STK3: variants seen among roughly 807,000 people sequenced by gnomAD.
STK3 encodes the protein serine/threonine-protein kinase 3.
STK3 carries 41 observed loss-of-function variants against 58.0 expected under a neutral mutation model. That is an observed-to-expected ratio of 0.71 (90% CI 0.55 to 0.92). The LOEUF is 0.92. Ranked by LOEUF, STK3 falls within the 40% of genes least tolerant of loss-of-function variation. The pLI is 0.00. For synonymous variants in STK3, 170 were observed against 191.0 expected, an observed-to-expected ratio of 0.89 and a Z score of 0.91; for missense variants, 479 against 602.7, an observed-to-expected ratio of 0.79 and a Z score of 2.15.
Position 98,669,832 on chromosome 8 carries a change from C to T in STK3, c.684+36635G>A, listed in dbSNP as rs143890447. 6.8e-3 allele frequency among the ~76,000 whole-genome samples: 1,034 copies of T among 152,194 alleles called. 8 individuals carry two copies. Among genetic ancestry groups the T allele is most frequent in the African/African-American group, 0.023 (970 of 41,520 alleles). ...CTGTTCTATGTATGGCCTAGCCCTTCGAAGATACCCAAACACAGGAAAGAT... is the reference window on the plus strand; with the variant it reads ...CTGTTCTATGTATGGCCTAGCCCTTTGAAGATACCCAAACACAGGAAAGAT... On this transcript the variant is annotated intron_variant, in intron 6 of 10. Coordinates refer to ENST00000419617, the MANE Select transcript of STK3 (RefSeq NM_006281.4).
chr8:98,761,621 G>A (rs1290133535), intron 3 of STK3, among the ~76,000 whole-genome samples: 1 of 152,096 alleles, frequency 6.6e-6, no homozygotes, highest in East Asian at 1.9e-4. Flanking sequence ...AACTTAGTAT[G>A]GTAATACAGT....
At chr8:98,886,882 G>A (rs964609974) in intron 1 of STK3, among the ~76,000 whole-genome samples, 42 of 152,124 alleles carry the variant, frequency 2.8e-4, no homozygotes, top group Admixed American at 2.8e-3. Context: ...TGGATTACCT[G>A]AGGTCAGCAG....
intron 6 of STK3, among the ~76,000 whole-genome samples, chr8:98,663,291 C>A (rs1822100531): frequency 6.6e-6 from 1 of 152,166 alleles, no homozygotes; most frequent in African/African-American, 2.4e-5. Context: ...CACTGGCCAT[C>A]AGAGAAATGC....
intron 10 of STK3, among the ~76,000 whole-genome samples, chr8:98,487,486 T>TGA: frequency 6.6e-6 from 1 of 152,322 alleles, no homozygotes; most frequent in African/African-American, 2.4e-5. Flanking sequence ...TTTGAATTGA[T>TGA]ATCTCCAGTC....
intron 9 of STK3, among the ~76,000 whole-genome samples, chr8:98,546,979 G>A (rs1286551642): frequency 2.0e-5 from 3 of 152,120 alleles, no homozygotes; most frequent in South Asian, 4.1e-4. Context: ...ACCTCATGGC[G>A]GAGTAGCAAA....
intron 3 of STK3, among the ~76,000 whole-genome samples, chr8:98,843,994 T>A (rs1011186553): frequency 6.6e-6 from 1 of 152,132 alleles, no homozygotes; most frequent in African/African-American, 2.4e-5. Context: ...ACTGCGTCTC[T>A]TAGAAAAATG....
chr8:98,479,728 A>G (rs903447802), intron 10 of STK3, among the ~76,000 whole-genome samples: 1 of 152,158 alleles, frequency 6.6e-6, no homozygotes, highest in Non-Finnish European at 1.5e-5. Flanking sequence ...AATCTGGAAA[A>G]TGCAATCCAC....
intron 1 of STK3, among the ~76,000 whole-genome samples, chr8:98,777,466 C>T (rs559285210): frequency 2.0e-4 from 31 of 152,192 alleles, no homozygotes; most frequent in African/African-American, 5.8e-4. Context: ...GCCGAGATCA[C>T]GCCACTGCAC....
At chr8:98,452,139 T>C (rs185246303), downstream of STK3, among the ~76,000 whole-genome samples, 1 of 152,322 alleles carries the variant, frequency 6.6e-6, no homozygotes, top group East Asian at 1.9e-4. Context: ...AAAGATTTCC[T>C]GTGACTAAGT....
chr8:98,396,443 C>T (rs542758371), downstream of STK3, among the ~76,000 whole-genome samples: 2 of 152,320 alleles, frequency 1.3e-5, no homozygotes, highest in African/African-American at 4.8e-5. Flanking sequence ...TTGTTGGCAT[C>T]TGGACTCATG....
intron 1 of STK3, among the ~76,000 whole-genome samples, chr8:98,798,654 A>G (rs1229237376): frequency 6.6e-6 from 1 of 152,212 alleles, no homozygotes; most frequent in East Asian, 1.9e-4. Flanking sequence ...TCCTATTGCT[A>G]TGTTTTGGAT....
At chr8:98,862,112 G>A (rs914754236) in intron 3 of STK3, among the ~76,000 whole-genome samples, 3 of 152,156 alleles carry the variant, frequency 2.0e-5, no homozygotes, top group Non-Finnish European at 2.9e-5. Flanking sequence ...AGGAGAAAGG[G>A]CAGAAAGAAG....
downstream of STK3, among the ~76,000 whole-genome samples, chr8:98,400,013 T>G (rs973898691): frequency 1.6e-4 from 24 of 152,208 alleles, no homozygotes; most frequent in Middle Eastern, 3.4e-3. Context: ...TCATGATCCT[T>G]CTTGATAGAA....
At chr8:98,832,255 AAT>A (rs200491639) in intron 3 of STK3, among the ~76,000 whole-genome samples, 33,463 of 138,684 alleles carry the variant, frequency 0.24, 4,301 homozygotes, top group East Asian at 0.39. Context: ...AAAAAAAAAA[AAT>A]ATATATATAT....
At chr8:98,492,152 C>A (rs1278698438) in intron 10 of STK3, among the ~76,000 whole-genome samples, 1 of 152,198 alleles carries the variant, frequency 6.6e-6, no homozygotes, top group African/African-American at 2.4e-5. Flanking sequence ...CAATGACACA[C>A]ACTAATAATT....
intron 3 of STK3, among the ~76,000 whole-genome samples, chr8:98,847,723 T>TGTTTG (rs1554690035): frequency 1.2e-3 from 179 of 152,244 alleles, no homozygotes; most frequent in Non-Finnish European, 8.5e-4. Flanking sequence ...AAAGGTTTTT[T>TGTTTG]TTTGTTTGTT....
At chr8:98,445,619 T>A (rs78606203) in intron 1 of STK3, among the ~76,000 whole-genome samples, 1 of 152,284 alleles carries the variant, frequency 6.6e-6, no homozygotes, top group South Asian at 2.1e-4. Flanking sequence ...TAAATTGCCT[T>A]AATTAAAAAT....
At chr8:98,429,671 T>A (rs1047325421) in intron 3 of STK3, 4 of 479,966 alleles carry the variant, frequency 8.3e-6, no homozygotes, top group African/African-American at 3.9e-5. Flanking sequence ...AATGTTCACC[T>A]TTTTGCCAGA....
chr8:98,627,565 C>T (rs1818826877), intron 6 of STK3, among the ~76,000 whole-genome samples: 1 of 151,772 alleles, frequency 6.6e-6, no homozygotes, highest in African/African-American at 2.4e-5. Context: ...TTTGCTCCTG[C>T]TATCACCATG....
Sources: gnomAD v4.1 joint callset for allele counts (sites outside exome capture counted in the v4.1 genomes callset) on GRCh38, gnomAD v4.1.1 for gene constraint, MANE v1.5 for transcripts, NCBI Gene and HGNC (gene_info 2026-07-23, HGNC 2026-07-21) for gene names.